DTNA: variants seen among roughly 807,000 people sequenced by gnomAD.
The protein encoded by DTNA is dystrophin-related protein 3.
A neutral mutation model predicts 100.7 loss-of-function variants in DTNA; 43 were observed. The observed-to-expected ratio is 0.43, with a 90% CI of 0.33 to 0.55. The LOEUF is 0.55. DTNA is among the 20% of genes least tolerant of loss of function. The pLI, the probability that DTNA is intolerant of heterozygous loss-of-function variation, is 0.04. For synonymous variants in DTNA, 349 were observed against 347.9 expected (o/e 1.00, Z -0.04); for missense variants, 798 against 953.9 (o/e 0.84, Z 2.15).
At chr18:34,648,815 G>T (rs983287907) in intron 1 of DTNA, among the ~76,000 whole-genome samples, 1 of 152,176 alleles carries the variant, frequency 6.6e-6, no homozygotes, top group African/African-American at 2.4e-5. Flanking sequence ...TAGGTAAGTT[G>T]CATAATCACA....
intron 1 of DTNA, among the ~76,000 whole-genome samples, chr18:34,687,580 A>G (rs892385474): frequency 6.6e-6 from 1 of 152,186 alleles, no homozygotes; most frequent in African/African-American, 2.4e-5. Flanking sequence ...CAATTTTAGA[A>G]TAAGTGCTAT....
intron 1 of DTNA, among the ~76,000 whole-genome samples, chr18:34,595,975 C>T (rs756303013): frequency 5.3e-5 from 8 of 152,160 alleles, no homozygotes; most frequent in Non-Finnish European, 1.2e-4. Flanking sequence ...CAGCATAAAG[C>T]TGGGTTAGTT....
intron 17 of DTNA, among the ~76,000 whole-genome samples, chr18:34,869,853 C>T (rs1267221072): frequency 2.0e-5 from 3 of 152,158 alleles, no homozygotes; most frequent in Admixed American, 1.3e-4. Context: ...AACCCTGTCT[C>T]TACTAAAAAT....
chr18:34,589,596 C>T (rs1311617195), intron 1 of DTNA, among the ~76,000 whole-genome samples: 1 of 152,018 alleles, frequency 6.6e-6, no homozygotes, highest in Non-Finnish European at 1.5e-5. Flanking sequence ...GCAACAGATC[C>T]AGACTCTGTC....
chr18:34,708,608 C>T (rs2082406557), upstream of DTNA, among the ~76,000 whole-genome samples: 1 of 152,212 alleles, frequency 6.6e-6, no homozygotes, highest in African/African-American at 2.4e-5. Flanking sequence ...GCAGCCCTTG[C>T]TCTTTGCCTA....
chr18:34,759,137 CT>C (rs1468106056), intron 2 of DTNA, among the ~76,000 whole-genome samples: 3 of 152,060 alleles, frequency 2.0e-5, no homozygotes, highest in Admixed American at 1.3e-4. Flanking sequence ...TATCAGTTTG[CT>C]TAGTACCTTG....
At chr18:34,846,353 AAAT>A (rs766926862) in intron 13 of DTNA, among the ~76,000 whole-genome samples, 4 of 152,206 alleles carry the variant, frequency 2.6e-5, no homozygotes, top group East Asian at 1.9e-4. Flanking sequence ...TTAAAAGGCA[AAAT>A]AATAATAACA....
intron 1 of DTNA, among the ~76,000 whole-genome samples, chr18:34,696,043 C>T (rs1486066088): frequency 9.9e-5 from 15 of 151,888 alleles, no homozygotes; most frequent in Non-Finnish European, 1.3e-4. Flanking sequence ...TAAAATTAAC[C>T]CATAACATAA....
chr18:34,530,819 A>C (rs564147453), intron 1 of DTNA, among the ~76,000 whole-genome samples: 1 of 152,124 alleles, frequency 6.6e-6, no homozygotes, highest in African/African-American at 2.4e-5. Flanking sequence ...CCATTCTGCT[A>C]ATTTCCAGAA....
At chr18:34,602,454 T>C (rs2052072302) in intron 1 of DTNA, among the ~76,000 whole-genome samples, 1 of 152,212 alleles carries the variant, frequency 6.6e-6, no homozygotes, top group South Asian at 2.1e-4. Flanking sequence ...TATGTTTGAC[T>C]TTCTTTAACC....
chr18:34,867,661 G>C, intron 17 of DTNA: 1 of 989,412 alleles, frequency 1.0e-6, no homozygotes, highest in Non-Finnish European at 1.2e-6. Context: ...CATCAGCCTT[G>C]CTTTAGCCAT....
chr18:34,723,767 C>T (rs948185651), intron 1 of DTNA, among the ~76,000 whole-genome samples: 3 of 151,966 alleles, frequency 2.0e-5, no homozygotes, highest in South Asian at 2.1e-4. Context: ...GGCGTGGTGA[C>T]GGGTGCCTGT....
intron 18 of DTNA, 88 bp downstream of exon 18, chr18:34,875,486 C>T: frequency 6.3e-7 from 1 of 1,579,762 alleles, no homozygotes; most frequent in African/African-American, 1.3e-5. Context: ...TTGTCAGAAC[C>T]ACATGTGACT....
intron 1 of DTNA, among the ~76,000 whole-genome samples, chr18:34,616,954 T>G (rs1343401544): frequency 5.3e-5 from 8 of 152,222 alleles, no homozygotes; most frequent in African/African-American, 1.9e-4. Flanking sequence ...GAAATGCTAC[T>G]GATTTTTTTC....
intron 9 of DTNA, 155 bp from the exon 10 acceptor site, chr18:34,827,438 A>G (rs538048061): frequency 1.4e-6 from 1 of 731,724 alleles, no homozygotes; most frequent in South Asian, 1.5e-5. Flanking sequence ...TAAAACACTT[A>G]AGGAATTTAA....
rs113593919 is a variant in DTNA at position 34,602,863 on chromosome 18, C to T, written c.-2+109349C>T. Reference sequence around the variant, plus strand: ...ACTAAAAATAAAAAAATCAGCCGGGCGTGGTGGCAGGCACCTGTAATGCTA... The same window carrying T: ...ACTAAAAATAAAAAAATCAGCCGGGTGTGGTGGCAGGCACCTGTAATGCTA... On this transcript the variant is annotated intron_variant, in intron 1 of 19. Transcript: ENST00000283365. 2.6e-3 allele frequency among the ~76,000 whole-genome samples: 395 copies of T among 151,690 alleles called. 4 individuals carry two copies. Among genetic ancestry groups the T allele is most frequent in the African/African-American group, 8.8e-3 (362 of 41,368 alleles).
intron 1 of DTNA, among the ~76,000 whole-genome samples, chr18:34,670,310 G>A (rs1204015377): frequency 1.3e-5 from 2 of 152,112 alleles, no homozygotes; most frequent in East Asian, 3.9e-4. Context: ...GGTTATTCTA[G>A]TTAGCCATTC....
intron 1 of DTNA, among the ~76,000 whole-genome samples, chr18:34,573,218 G>A (rs2047762686): frequency 6.6e-6 from 1 of 152,150 alleles, no homozygotes; most frequent in African/African-American, 2.4e-5. Flanking sequence ...TCTGTGCTAA[G>A]TAGCCAAAGT....
intron 1 of DTNA, chr18:34,574,366 C>G (rs1054499016): frequency 1.3e-5 from 2 of 153,638 alleles, no homozygotes; most frequent in African/African-American, 4.8e-5. Flanking sequence ...GCCTCCAGGT[C>G]CATACGGGGG....
Sources: allele counts gnomAD v4.1 joint callset (sites outside exome capture counted in the v4.1 genomes callset), GRCh38; gene constraint gnomAD v4.1.1; transcripts MANE v1.5; gene names NCBI Gene and HGNC (gene_info 2026-07-23, HGNC 2026-07-21).